The following SPTAN1 variants were observed in gnomAD, a reference collection of about 807,000 sequenced individuals.
SPTAN1 encodes spectrin alpha, non-erythrocytic 1.
In SPTAN1, 61 loss-of-function variants were observed where a neutral mutation model predicts 331.3. The observed-to-expected ratio is 0.18, with a 90% CI of 0.15 to 0.23. The LOEUF is 0.23. SPTAN1 is among the 10% of genes least tolerant of loss of function. The pLI, the probability that SPTAN1 is intolerant of heterozygous loss-of-function variation, is 1.00. For missense variants in SPTAN1, 2,043 were observed against 3,147.9 expected, an observed-to-expected ratio of 0.65 and a Z score of 8.40; for synonymous variants, 1,153 against 1,173.9, an observed-to-expected ratio of 0.98 and a Z score of 0.36.
chr9:128,594,067 G>A (rs146784753), intron 23 of SPTAN1, 108 bp from the exon 24 acceptor site: 33 of 1,045,152 alleles, frequency 3.2e-5, no homozygotes, highest in African/African-American at 1.2e-4. Context: ...TTACAAACTC[G>A]TAGCCTGGAA....
chr9:128,623,622 A>ATTTTTTTTTTT (rs777632874), intron 45 of SPTAN1, among the ~76,000 whole-genome samples: 88 of 117,104 alleles, frequency 7.5e-4, no homozygotes, highest in African/African-American at 1.3e-3. Context: ...AACCTGGCTA[A>ATTTTTTTTTTT]TTTTTTTTTT....
At chr9:128,626,064 C>A in intron 48 of SPTAN1, 86 bp downstream of exon 48, 1 of 1,517,060 alleles carries the variant, frequency 6.6e-7, no homozygotes. Flanking sequence ...TGCCACTCCC[C>A]CTTGAGGAAG....
chr9:128,591,655 T>G (rs878980780), intron 22 of SPTAN1, 30 bp downstream of exon 22: 3 of 1,612,580 alleles, frequency 1.9e-6, no homozygotes, highest in Admixed American at 3.3e-5. Flanking sequence ...CCGCAAGGGC[T>G]AGGCGTCCCA....
chr9:128,562,450 G>A (rs554125355), intron 1 of SPTAN1, among the ~76,000 whole-genome samples: 1 of 152,238 alleles, frequency 6.6e-6, no homozygotes, highest in East Asian at 1.9e-4. Flanking sequence ...AGAGGAGAGT[G>A]CACTCCTGGG....
chr9:128,618,121 A>G lies in SPTAN1; in HGVS notation c.5600+13A>G, dbSNP rs1257381138. The G allele has an allele frequency of 1.9e-6, 3 of 1,612,656 alleles. No individual in the cohort carries two copies. Among genetic ancestry groups the G allele is most frequent in the Non-Finnish European group, 2.5e-6 (3 of 1,179,754 alleles). On this transcript the variant is annotated intron_variant, in intron 43 of 56. Coordinates refer to ENST00000372739, the MANE Select transcript of SPTAN1 (RefSeq NM_001130438.3). Reference sequence around the variant, plus strand: ...TGGCAGCTGCCCGGTGAGTAGTCAGAGGCAGGAGCTCCCGGGAACAAGTGG... The same window carrying G: ...TGGCAGCTGCCCGGTGAGTAGTCAGGGGCAGGAGCTCCCGGGAACAAGTGG...
chr9:128,631,584 G>C (rs1008662384), intron 52 of SPTAN1: 6 of 161,250 alleles, frequency 3.7e-5, no homozygotes, highest in African/African-American at 7.2e-5. Context: ...CCAGAACTTT[G>C]GGAGGCCAAG....
chr9:128,571,989 C>T (rs558816645), intron 3 of SPTAN1, among the ~76,000 whole-genome samples: 34 of 152,176 alleles, frequency 2.2e-4, no homozygotes, highest in African/African-American at 5.1e-4. Flanking sequence ...CCCGAGTAGC[C>T]GGCACCACAG....
At position 128,627,079 on chromosome 9, in the gene SPTAN1, C is replaced by T; in HGVS notation, c.6577-307C>T. The T allele has an allele frequency of 1.8e-6, 1 of 558,942 alleles. No individual in the cohort carries two copies. Among genetic ancestry groups the T allele is most frequent in the Non-Finnish European group, 3.4e-6 (1 of 295,098 alleles). 34.6% of individuals were successfully genotyped at this position (558,942 alleles called of 1,614,324 possible). On this transcript the variant is annotated intron_variant, in intron 49 of 56. Coordinates refer to ENST00000372739, the MANE Select transcript of SPTAN1 (RefSeq NM_001130438.3). This position sits in a 1 kb window ranked among gnomAD's most constrained non-coding sequence, Gnocchi z 4.9. ...CCTCCTGCCCAGGCCTCCCAAAGTG[C>T]TGGGATTACAGGTGTGAGCCACTGT...
At chr9:128,582,023 C>G in intron 12 of SPTAN1, 131 bp downstream of exon 12, 2 of 743,460 alleles carry the variant, frequency 2.7e-6, no homozygotes, top group South Asian at 2.9e-5. Flanking sequence ...CTTAAACTTT[C>G]ACAAGGATGA....
Position 128,629,094 on chromosome 9 carries a change from T to C in SPTAN1, c.6707+1152T>C, listed in dbSNP as rs899306865. On this transcript the variant is annotated intron_variant, in intron 51 of 56. Coordinates refer to ENST00000372739, the MANE Select transcript of SPTAN1 (RefSeq NM_001130438.3). The surrounding 1 kb of genome is among the most constrained non-coding windows in gnomAD (Gnocchi z 4.9). ...GTGCTCTTGCCTCCCCTCCCTTTGG[T>C]GTATTCATTTGGTTTCTTTTCTTTG... 5.0e-6 allele frequency: 2 copies of C among 398,728 alleles called. No individual in the cohort carries two copies. The highest frequency in any genetic ancestry group is 8.8e-6 in the Non-Finnish European group (2 of 226,150). 24.7% of individuals were successfully genotyped at this position (398,728 alleles called of 1,614,324 possible). A position where few individuals can be genotyped will look rare whatever the true frequency, so the allele number is the denominator to read the frequency against.
intron 11 of SPTAN1, 61 bp downstream of exon 11, chr9:128,581,120 C>T (rs10988047): frequency 8.3e-4 from 1,333 of 1,607,948 alleles, no homozygotes; most frequent in Non-Finnish European, 1.1e-3. Flanking sequence ...TTTGCCTCCT[C>T]GGGTAGTGTG....
intron 27 of SPTAN1, among the ~76,000 whole-genome samples, chr9:128,600,709 C>T (rs1378302865): frequency 2.0e-5 from 3 of 152,200 alleles, no homozygotes; most frequent in African/African-American, 4.8e-5. Context: ...GTCACCCAGG[C>T]TGGAGTGCAG....
chr9:128,573,868 C>T (rs770777758), intron 3 of SPTAN1, among the ~76,000 whole-genome samples: 2 of 152,158 alleles, frequency 1.3e-5, no homozygotes, highest in Admixed American at 1.3e-4. Flanking sequence ...GATTCTCCTG[C>T]CTCAGCCTTC....
chr9:128,620,011 G>A (rs568931979), intron 44 of SPTAN1, among the ~76,000 whole-genome samples: 1 of 152,306 alleles, frequency 6.6e-6, no homozygotes, highest in African/African-American at 2.4e-5. Flanking sequence ...CACATGGCCT[G>A]TTGTCCTCAA....
chr9:128,626,310 C>A, intron 48 of SPTAN1, 81 bp from the exon 49 acceptor site: 1 of 1,551,536 alleles, frequency 6.4e-7, no homozygotes, highest in Non-Finnish European at 8.8e-7. Flanking sequence ...TTCCCAGGAA[C>A]CACCCCGCAC....
chr9:128,626,067 TGAG>T, intron 48 of SPTAN1, 89 bp downstream of exon 48: 1 of 1,504,830 alleles, frequency 6.6e-7, no homozygotes, highest in Non-Finnish European at 9.1e-7. Flanking sequence ...CACTCCCCCT[TGAG>T]GAAGCTGTGA....
chr9:128,632,331 G>A lies in SPTAN1; in HGVS notation c.6959+8G>A. ...GCAGCAGATCCAGGCCAGGTACCCGGGAGGGCTGTGGGCCAGGCTCAGCCC... is the reference window on the plus strand; with the variant it reads ...GCAGCAGATCCAGGCCAGGTACCCGAGAGGGCTGTGGGCCAGGCTCAGCCC... On this transcript the variant is annotated splice_region_variant and intron_variant, in intron 53 of 56. Coordinates refer to ENST00000372739, the MANE Select transcript of SPTAN1 (RefSeq NM_001130438.3). The A allele has an allele frequency of 6.2e-7, 1 of 1,613,564 alleles. No individual in the cohort carries two copies. The highest frequency in any genetic ancestry group is 8.5e-7 in the Non-Finnish European group (1 of 1,179,926).
chr9:128,608,087 G>T, intron 33 of SPTAN1, 38 bp downstream of exon 33: 1 of 1,614,164 alleles, frequency 6.2e-7, no homozygotes, highest in South Asian at 1.1e-5. Context: ...GTGTTTCCTT[G>T]CTGAAGGGCC....
At chr9:128,609,775 C>A in intron 37 of SPTAN1, 110 bp downstream of exon 37, 1 of 686,404 alleles carries the variant, frequency 1.5e-6, no homozygotes, top group Non-Finnish European at 2.3e-6. Context: ...GGTGTCTCTT[C>A]ATCCATCCTT....
Sources: gnomAD v4.1 joint callset for allele counts (sites outside exome capture counted in the v4.1 genomes callset) on GRCh38, gnomAD v4.1.1 for gene constraint, Gnocchi (gnomAD v3.1) non-coding constraint, MANE v1.5 for transcripts, NCBI Gene and HGNC (gene_info 2026-07-23, HGNC 2026-07-21) for gene names.